Variants in ZCCHC4 observed in about 807,000 individuals in gnomAD.
ZCCHC4 encodes rRNA N(6)-adenosine-methyltransferase ZCCHC4.
A neutral mutation model predicts 67.7 loss-of-function variants in ZCCHC4; 54 were observed. The observed-to-expected ratio is 0.80, with a 90% CI of 0.64 to 1.00. The LOEUF (loss-of-function observed/expected upper bound fraction) is 1.00. ZCCHC4 is among the 50% of genes least tolerant of loss of function. ZCCHC4 has a pLI of 0.00. For missense variants in ZCCHC4, 609 were observed against 617.0 expected (o/e 0.99, Z 0.14); for synonymous variants, 198 against 213.5 (o/e 0.93, Z 0.63).
chr4:25,338,807 G>A lies in ZCCHC4; in HGVS notation c.686+4819G>A, dbSNP rs59591055. On this transcript the variant is annotated intron_variant, in intron 5 of 12. Transcript: ENST00000302874. The stretch of plus-strand genomic sequence containing the variant: ...TTTGTTTATCTTTTCATCTGTTGAT[G>A]GACACTTGAGTTGCTTCCACTTTTT... Among the ~76,000 whole-genome samples the A allele has an allele frequency of 6.8e-3, 1,028 of 152,160 alleles. 9 individuals carry two copies. The highest frequency in any genetic ancestry group is 0.023 in the African/African-American group (966 of 41,496).
intron 1 of ZCCHC4, among the ~76,000 whole-genome samples, chr4:25,313,429 C>A (rs1209597627): frequency 6.6e-6 from 1 of 152,156 alleles, no homozygotes; most frequent in Non-Finnish European, 1.5e-5. Flanking sequence ...TCTCTGAGTC[C>A]CTTCCTTGTT....
chr4:25,357,069 A>G (rs1235813714), intron 8 of ZCCHC4, among the ~76,000 whole-genome samples: 2 of 152,114 alleles, frequency 1.3e-5, no homozygotes, highest in Non-Finnish European at 2.9e-5. Flanking sequence ...TCGTTAGAAA[A>G]TTTTCTCATA....
chr4:25,348,260 G>A (rs1036832456), intron 6 of ZCCHC4, among the ~76,000 whole-genome samples: 1 of 152,180 alleles, frequency 6.6e-6, no homozygotes, highest in African/African-American at 2.4e-5. Context: ...TAGGGAGAAA[G>A]GTTTTCCTCT....
At chr4:25,334,249 T>C (rs1719337801) in intron 5 of ZCCHC4, among the ~76,000 whole-genome samples, 2 of 152,262 alleles carry the variant, frequency 1.3e-5, no homozygotes, top group Admixed American at 6.5e-5. Flanking sequence ...GCTTATAATC[T>C]ACAGATGAAT....
At chr4:25,337,226 G>A (rs954191987) in intron 5 of ZCCHC4, among the ~76,000 whole-genome samples, 1 of 152,190 alleles carries the variant, frequency 6.6e-6, no homozygotes, top group African/African-American at 2.4e-5. Flanking sequence ...ACGTAAAAGA[G>A]AATTTATTGA....
At chr4:25,345,401 C>A (rs1461361449) in intron 5 of ZCCHC4, 147 bp from the exon 6 acceptor site, 1 of 610,792 alleles carries the variant, frequency 1.6e-6, no homozygotes, top group East Asian at 2.9e-5. Flanking sequence ...GTTACAGATT[C>A]CCTGAAATTT....
intron 5 of ZCCHC4, among the ~76,000 whole-genome samples, chr4:25,343,446 CAT>C (rs1486020666): frequency 2.0e-5 from 3 of 152,136 alleles, no homozygotes; most frequent in East Asian, 1.9e-4. Flanking sequence ...GGCATTAAGA[CAT>C]AAATATTTAC....
chr4:25,327,606 A>T (rs1718959695), intron 3 of ZCCHC4, among the ~76,000 whole-genome samples: 1 of 152,082 alleles, frequency 6.6e-6, no homozygotes, highest in South Asian at 2.1e-4. Context: ...CAGCCTCCCC[A>T]GTAGCTGGGA....
intron 3 of ZCCHC4, among the ~76,000 whole-genome samples, chr4:25,324,014 G>GTTTTTTTTGTTTTT (rs1718724561): frequency 1.2e-5 from 1 of 82,448 alleles, no homozygotes; most frequent in African/African-American, 5.2e-5. Flanking sequence ...TGTTTTTTGT[G>GTTTTTTTTGTTTTT]TTTTTTTTTT....
At chr4:25,313,514 C>T (rs1157831155) in intron 1 of ZCCHC4, among the ~76,000 whole-genome samples, 1 of 152,092 alleles carries the variant, frequency 6.6e-6, no homozygotes. Flanking sequence ...CTGAAGAGAC[C>T]GGTTTTCAAA....
intron 8 of ZCCHC4, chr4:25,352,171 G>T: frequency 1.0e-6 from 1 of 985,706 alleles, no homozygotes; most frequent in Non-Finnish European, 1.2e-6. Context: ...AGAAGGCAGA[G>T]ATGGCTCTGT....
intron 3 of ZCCHC4, among the ~76,000 whole-genome samples, chr4:25,324,046 T>A (rs1374082931): frequency 3.2e-5 from 3 of 94,168 alleles, no homozygotes; most frequent in Non-Finnish European, 6.5e-5. Context: ...AGAGTCTCGC[T>A]CTGCTGCCAG....
intron 5 of ZCCHC4, among the ~76,000 whole-genome samples, chr4:25,338,112 GACA>G (rs1297291238): frequency 4.6e-5 from 7 of 152,098 alleles, no homozygotes; most frequent in Non-Finnish European, 8.8e-5. Context: ...TTCTTTTTGA[GACA>G]ACATCTTGCT....
At chr4:25,335,890 T>C (rs370023266) in intron 5 of ZCCHC4, among the ~76,000 whole-genome samples, 6 of 152,368 alleles carry the variant, frequency 3.9e-5, no homozygotes, top group African/African-American at 1.2e-4. Context: ...CTTATGAATA[T>C]GTCTGGCCTG....
chr4:25,332,767 A>C (rs1224352333), intron 3 of ZCCHC4, among the ~76,000 whole-genome samples: 1 of 152,226 alleles, frequency 6.6e-6, no homozygotes, highest in Non-Finnish European at 1.5e-5. Context: ...AAGAACTTGA[A>C]GAATGATCTT....
At chr4:25,353,610 G>A (rs372485026) in intron 8 of ZCCHC4, among the ~76,000 whole-genome samples, 6 of 152,214 alleles carry the variant, frequency 3.9e-5, no homozygotes, top group African/African-American at 7.2e-5. Flanking sequence ...CACACAGTAG[G>A]TGCCATGTAT....
In ZCCHC4 at chr4:25,361,975, G is replaced by T; in HGVS notation, c.1128G>T (p.Gly376=). 1.2e-6 allele frequency: 2 copies of T among 1,613,292 alleles called. No homozygotes were observed. Among genetic ancestry groups the T allele is most frequent in the Non-Finnish European group, 8.5e-7 (1 of 1,179,740 alleles). ...AAATAATCCTTCCTACTGAAGAAGG[G>T]TACAGGTAAGATCACAGTGGAACTT... is the stretch of plus-strand genomic sequence containing the variant. ...PNKIILPTEE[G]YRFCSPCQRY... Residue 376 remains glycine, a synonymous_variant, in exon 9 of 13, where the codon GGG becomes GGT. Coordinates refer to ENST00000302874, the MANE Select transcript of ZCCHC4 (RefSeq NM_024936.3).
chr4:25,363,138 G>C (rs1315497617), intron 10 of ZCCHC4, among the ~76,000 whole-genome samples: 1 of 152,182 alleles, frequency 6.6e-6, no homozygotes, highest in Admixed American at 6.5e-5. Context: ...TGGTTTCACT[G>C]TTTTCACTAA....
intron 5 of ZCCHC4, among the ~76,000 whole-genome samples, chr4:25,340,823 T>C (rs1053695683): frequency 3.3e-5 from 5 of 152,202 alleles, no homozygotes; most frequent in Non-Finnish European, 5.9e-5. Flanking sequence ...AAAAAATTTT[T>C]CAAAAATACA....
Sources: gnomAD v4.1 joint callset for allele counts (sites outside exome capture counted in the v4.1 genomes callset) on GRCh38, gnomAD v4.1.1 for gene constraint, MANE v1.5 for transcripts, NCBI Gene and HGNC (gene_info 2026-07-23, HGNC 2026-07-21) for gene names.